FAM107B: variants seen among roughly 807,000 people sequenced by gnomAD.
FAM107B encodes family with sequence similarity 107 member B, also known as protein FAM107B.
In FAM107B, 21 loss-of-function variants were observed where a neutral mutation model predicts 31.5. The ratio of observed to expected loss-of-function variants is 0.67; its 90% CI spans 0.47 to 0.96. FAM107B has a LOEUF of 0.96. FAM107B is among the 40% of genes least tolerant of loss of function. The pLI is 0.00. For missense variants in FAM107B, 452 were observed against 377.1 expected (o/e 1.20, Z -1.64); for synonymous variants, 157 against 141.5 (o/e 1.11, Z -0.78).
intron 2 of FAM107B, among the ~76,000 whole-genome samples, chr10:14,576,775 G>C (rs1202399018): frequency 2.0e-5 from 3 of 152,082 alleles, no homozygotes; most frequent in Non-Finnish European, 2.9e-5. Context: ...AAAGAAGATT[G>C]CAAGTCCCAA....
intron 2 of FAM107B, among the ~76,000 whole-genome samples, chr10:14,548,840 A>ACACACACGCC (rs963116987): frequency 2.6e-5 from 4 of 151,832 alleles, no homozygotes; most frequent in Non-Finnish European, 5.9e-5. Context: ...ACACACGCAC[A>ACACACACGCC]CACACACCGA....
chr10:14,663,252 T>C (rs1253871308), intron 2 of FAM107B: 1 of 152,258 alleles, frequency 6.6e-6, no homozygotes, highest in African/African-American at 2.4e-5. Flanking sequence ...GACCTCACCT[T>C]GTGATCATGT....
chr10:14,633,017 G>C (rs1282804585), intron 2 of FAM107B, among the ~76,000 whole-genome samples: 2 of 152,074 alleles, frequency 1.3e-5, no homozygotes, highest in Non-Finnish European at 2.9e-5. Flanking sequence ...TGGCCAACAT[G>C]GTAAAACTCT....
chr10:14,565,221 TTC>T (rs2131206993), intron 2 of FAM107B, among the ~76,000 whole-genome samples: 1 of 152,298 alleles, frequency 6.6e-6, no homozygotes, highest in South Asian at 2.1e-4. Context: ...ATAGCTTATT[TTC>T]TACTGGGGGA....
At chr10:14,710,358 C>T (rs1855613416) in intron 1 of FAM107B, among the ~76,000 whole-genome samples, 1 of 151,414 alleles carries the variant, frequency 6.6e-6, no homozygotes, top group South Asian at 2.1e-4. Context: ...CTACTGTGAG[C>T]TACGATTGCA....
At chr10:14,534,378 G>A (rs563342827) in intron 2 of FAM107B, among the ~76,000 whole-genome samples, 3 of 152,134 alleles carry the variant, frequency 2.0e-5, no homozygotes, top group African/African-American at 7.2e-5. Context: ...CCCCGCCCTG[G>A]AGCTGTGACT....
intron 1 of FAM107B, chr10:14,723,372 C>T (rs1855957722): frequency 3.7e-6 from 2 of 547,786 alleles, no homozygotes; most frequent in Admixed American, 3.8e-5. Context: ...GTCGATTTGC[C>T]CTGAAATTCC....
intron 2 of FAM107B, among the ~76,000 whole-genome samples, chr10:14,638,352 G>A (rs527255468): frequency 6.6e-6 from 1 of 152,024 alleles, no homozygotes; most frequent in East Asian, 1.9e-4. Context: ...TGCTAGAAGT[G>A]GAAGATGCCT....
chr10:14,719,951 T>TGCTGTTATTGA (rs1554752708), intron 1 of FAM107B, among the ~76,000 whole-genome samples: 2 of 152,146 alleles, frequency 1.3e-5, no homozygotes, highest in African/African-American at 2.4e-5. Flanking sequence ...TGTGGGCTCT[T>TGCTGTTATTGA]TTCCTCACTG....
intron 1 of FAM107B, among the ~76,000 whole-genome samples, chr10:14,753,138 T>C (rs369126741): frequency 2.1e-4 from 32 of 152,326 alleles, no homozygotes; most frequent in East Asian, 1.7e-3. Context: ...GTGATCGTAG[T>C]TGTCAGTGTG....
At chr10:14,538,691 C>T (rs542942095) in intron 2 of FAM107B, among the ~76,000 whole-genome samples, 1 of 152,050 alleles carries the variant, frequency 6.6e-6, no homozygotes, top group Non-Finnish European at 1.5e-5. Flanking sequence ...TGGTGCATGC[C>T]CTCCTCTGCA....
In FAM107B at chr10:14,691,893, C is replaced by CA. The variant is rs58734762; in HGVS notation, c.412-24203dup. On this transcript the variant is annotated intron_variant, in intron 1 of 4. Coordinates refer to ENST00000181796, the MANE Select transcript of FAM107B (RefSeq NM_031453.4). ...TGAGCTACAGAGTGAGACTCTGTCA[C>CA]AAAAAAAAAAAAAAAAAATTAAACT... 9.7e-3 allele frequency among the ~76,000 whole-genome samples: 1,256 copies of CA among 129,138 alleles called. 16 individuals carry two copies. The highest frequency in any genetic ancestry group is 0.02 in the Middle Eastern group (5 of 244). The allele number at this position is 129,138 out of a possible 152,430, so 84.7% of individuals were successfully genotyped here.
chr10:14,568,633 A>T (rs1850910717), intron 2 of FAM107B, among the ~76,000 whole-genome samples: 1 of 152,208 alleles, frequency 6.6e-6, no homozygotes, highest in East Asian at 1.9e-4. Context: ...AGGGTGGCTG[A>T]TCTCTGGGTT....
intron 1 of FAM107B, among the ~76,000 whole-genome samples, chr10:14,716,082 T>A (rs967228169): frequency 6.6e-6 from 1 of 152,236 alleles, no homozygotes; most frequent in Admixed American, 6.5e-5. Context: ...CCAGGGTATA[T>A]AGAAGCCCTA....
chr10:14,686,628 A>C (rs2131502662), intron 1 of FAM107B, among the ~76,000 whole-genome samples: 1 of 152,294 alleles, frequency 6.6e-6, no homozygotes, highest in Middle Eastern at 3.4e-3. Flanking sequence ...TGGTAAACCT[A>C]CATTTTTCTA....
intron 1 of FAM107B, among the ~76,000 whole-genome samples, chr10:14,671,036 TAGTA>T (rs1854527075): frequency 1.3e-5 from 2 of 152,052 alleles, no homozygotes; most frequent in Non-Finnish European, 1.5e-5. Context: ...ACTCACTATC[TAGTA>T]AGTGTGTCCT....
chr10:14,771,303 G>A (rs974470023), intron 1 of FAM107B, among the ~76,000 whole-genome samples: 3 of 152,170 alleles, frequency 2.0e-5, no homozygotes, highest in Non-Finnish European at 4.4e-5. Flanking sequence ...GTAGAAAAGG[G>A]TAAAGCATAT....
At chr10:14,537,515 G>T (rs1178722048) in intron 2 of FAM107B, among the ~76,000 whole-genome samples, 1 of 152,166 alleles carries the variant, frequency 6.6e-6, no homozygotes, top group African/African-American at 2.4e-5. Flanking sequence ...AGGACTGACA[G>T]ATCTCACAGG....
At chr10:14,769,261 G>A (rs980477965) in intron 1 of FAM107B, among the ~76,000 whole-genome samples, 12 of 152,358 alleles carry the variant, frequency 7.9e-5, no homozygotes, top group Admixed American at 5.2e-4. Flanking sequence ...CTGCTGGGGT[G>A]CTAGGATGGC....
Sources: allele counts gnomAD v4.1 joint callset (sites outside exome capture counted in the v4.1 genomes callset), GRCh38; gene constraint gnomAD v4.1.1; transcripts MANE v1.5; gene names NCBI Gene and HGNC (gene_info 2026-07-23, HGNC 2026-07-21).